The following FKBP5 variants were observed in gnomAD, a reference collection of about 807,000 sequenced individuals.
The protein encoded by FKBP5 is FKBP prolyl isomerase 5.
Under a neutral mutation model 50.5 loss-of-function variants are expected in FKBP5, and 23 were observed. The observed-to-expected ratio is 0.46, with a 90% CI of 0.33 to 0.65. FKBP5 has a LOEUF of 0.65. Among genes scored for constraint, FKBP5 ranks in the 30% least tolerant of loss-of-function variants. FKBP5 has a pLI of 0.02. For missense variants in FKBP5, 411 were observed against 553.1 expected, an observed-to-expected ratio of 0.74 and a Z score of 2.58; for synonymous variants, 176 against 190.6, an observed-to-expected ratio of 0.92 and a Z score of 0.63.
In FKBP5 at chr6:35,609,934, T is replaced by C. The variant is rs532921789; in HGVS notation, c.508+9162A>G. On this transcript the variant is annotated intron_variant, in intron 5 of 10. Transcript: ENST00000357266. ...TTTTAAGGTTCTCTTCTACTTCTTC[T>C]GTTAGTCCATTTTAGTGCTGCTTTT... Among the ~76,000 whole-genome samples, 4 of 152,240 alleles carry C rather than the reference T, an allele frequency of 2.6e-5. No homozygotes were observed. The South Asian group carries it at 8.3e-4, about 31-fold the overall frequency.
At chr6:35,602,039 T>C (rs959673264) in intron 5 of FKBP5, among the ~76,000 whole-genome samples, 3 of 152,174 alleles carry the variant, frequency 2.0e-5, no homozygotes, top group South Asian at 4.1e-4. Context: ...CTCTGACTTA[T>C]TGTTCTCTTA....
At chr6:35,684,305 A>G (rs897886076) in intron 1 of FKBP5, among the ~76,000 whole-genome samples, 1 of 151,746 alleles carries the variant, frequency 6.6e-6, no homozygotes, top group Non-Finnish European at 1.5e-5. Flanking sequence ...CAGCCTCCCA[A>G]GTAGCTGGGA....
At chr6:35,665,030 T>A (rs890528939) in intron 1 of FKBP5, among the ~76,000 whole-genome samples, 1 of 152,158 alleles carries the variant, frequency 6.6e-6, no homozygotes, top group Non-Finnish European at 1.5e-5. Context: ...TTCGACTCCA[T>A]AGCTATCATC....
chr6:35,716,711 T>C (rs1766518664), intron 2 of FKBP5, among the ~76,000 whole-genome samples: 1 of 152,150 alleles, frequency 6.6e-6, no homozygotes. Flanking sequence ...GATCTGGTAA[T>C]TGGGTCGCAA....
intron 1 of FKBP5, among the ~76,000 whole-genome samples, chr6:35,673,379 A>G (rs542775931): frequency 8.5e-4 from 130 of 152,138 alleles, no homozygotes; most frequent in African/African-American, 3.0e-3. Flanking sequence ...GTGAGACCCC[A>G]TCTCTACAGA....
chr6:35,615,148 CA>C (rs1561858955), intron 5 of FKBP5, among the ~76,000 whole-genome samples: 19 of 96,926 alleles, frequency 2.0e-4, no homozygotes, highest in African/African-American at 5.9e-4. Context: ...ACAACAACAA[CA>C]ACAACTACAC....
At chr6:35,576,909 G>A in intron 10 of FKBP5, 85 bp downstream of exon 10, 1 of 1,504,838 alleles carries the variant, frequency 6.6e-7, no homozygotes, top group Non-Finnish European at 9.0e-7. Flanking sequence ...AGCCTCTTGG[G>A]TTGTTTAGCT....
At chr6:35,637,644 A>C (rs187716626) in intron 2 of FKBP5, among the ~76,000 whole-genome samples, 36 of 151,830 alleles carry the variant, frequency 2.4e-4, no homozygotes, top group Admixed American at 5.2e-4. Context: ...TTGTATTTTT[A>C]GTAGAGATGG....
chr6:35,595,329 C>T (rs1036330759), intron 6 of FKBP5, among the ~76,000 whole-genome samples: 5 of 152,238 alleles, frequency 3.3e-5, no homozygotes, highest in Admixed American at 1.3e-4. Context: ...GTTCCTATAA[C>T]ATTATGTTGT....
intron 3 of FKBP5, among the ~76,000 whole-genome samples, chr6:35,625,611 C>T (rs1254706155): frequency 1.3e-5 from 2 of 149,346 alleles, no homozygotes; most frequent in Non-Finnish European, 3.0e-5. Context: ...TGGTGAGTGC[C>T]TGTAGTCCCA....
Position 35,589,108 on chromosome 6 carries a change from T to A in FKBP5, c.757-1991A>T, listed in dbSNP as rs1214211041. 1.0e-3 allele frequency among the ~76,000 whole-genome samples: 124 copies of A among 122,296 alleles called. 1 individual carries two copies. Among genetic ancestry groups the A allele is most frequent in the Middle Eastern group, 4.1e-3 (1 of 242 alleles). The allele number at this position is 122,296 out of a possible 152,430, so 80.2% of individuals were successfully genotyped here. On this transcript the variant is annotated intron_variant, in intron 7 of 10. Transcript: ENST00000357266. Reference sequence around the variant, plus strand: ...TATATATTTTTATATATATATATATTTTTATATATATATATATATATTTTT... The same window carrying A: ...TATATATTTTTATATATATATATATATTTATATATATATATATATATTTTT...
chr6:35,585,525 TA>T, intron 8 of FKBP5: 1 of 985,298 alleles, frequency 1.0e-6, no homozygotes, highest in Non-Finnish European at 1.2e-6. Flanking sequence ...CTTAAATGAC[TA>T]AATCATTTGA....
At chr6:35,704,445 TG>T (rs1416487863) in intron 2 of FKBP5, among the ~76,000 whole-genome samples, 1 of 152,198 alleles carries the variant, frequency 6.6e-6, no homozygotes, top group African/African-American at 2.4e-5. Flanking sequence ...GAGGAAAGAA[TG>T]GTTTTCCATC....
intron 1 of FKBP5, among the ~76,000 whole-genome samples, chr6:35,677,285 G>C (rs1428837795): frequency 6.6e-6 from 1 of 152,120 alleles, no homozygotes; most frequent in Admixed American, 6.5e-5. Context: ...GTGTTAGCCA[G>C]AGTGGTCTCG....
chr6:35,578,188 T>C (rs2150949819), intron 9 of FKBP5, among the ~76,000 whole-genome samples: 1 of 151,820 alleles, frequency 6.6e-6, no homozygotes, highest in Non-Finnish European at 1.5e-5. Flanking sequence ...ATGTAAAATA[T>C]AATCATTATT....
upstream of FKBP5, among the ~76,000 whole-genome samples, chr6:35,693,198 T>C (rs951106369): frequency 2.6e-4 from 36 of 140,952 alleles, no homozygotes; most frequent in Middle Eastern, 7.3e-3. Context: ...AGCCTGGCTC[T>C]GTTGCCCAGG....
intron 5 of FKBP5, among the ~76,000 whole-genome samples, chr6:35,602,897 A>G (rs903770622): frequency 6.6e-6 from 1 of 152,188 alleles, no homozygotes; most frequent in South Asian, 2.1e-4. Context: ...AACAAGAAGT[A>G]TACACCCAGC....
chr6:35,722,340 G>T (rs1056829746), intron 1 of FKBP5, among the ~76,000 whole-genome samples: 1 of 152,158 alleles, frequency 6.6e-6, no homozygotes, highest in Non-Finnish European at 1.5e-5. Flanking sequence ...AATGAGCTTT[G>T]GAAATAGCAT....
rs750458363 is a variant in FKBP5, at chr6:35,653,713, GA to G, written c.-19-10871del. On this transcript the variant is annotated intron_variant, in intron 1 of 10. Coordinates refer to ENST00000357266, the MANE Select transcript of FKBP5 (RefSeq NM_004117.4). Reference sequence around the variant, plus strand: ...ATCCCAAAGATTCTTGGTGAATTTTGAAGTCTTCATCAGTATATCCATATTA... The same window carrying G: ...ATCCCAAAGATTCTTGGTGAATTTTGAGTCTTCATCAGTATATCCATATTA... Among the ~76,000 whole-genome samples, 16 of 152,254 alleles carry G rather than the reference GA, an allele frequency of 1.1e-4. No individual in the cohort carries two copies. In the East Asian group the frequency reaches 2.9e-3, roughly 28 times the overall value.
Sources: gnomAD v4.1 joint callset for allele counts (sites outside exome capture counted in the v4.1 genomes callset) on GRCh38, gnomAD v4.1.1 for gene constraint, MANE v1.5 for transcripts, NCBI Gene and HGNC (gene_info 2026-07-23, HGNC 2026-07-21) for gene names.